Variants in LMNTD1 observed in about 807,000 individuals in gnomAD.
LMNTD1 encodes lamin tail domain containing 1, also known as lamin tail domain-containing protein 1.
In LMNTD1, 35 loss-of-function variants were observed where a neutral mutation model predicts 50.9. The ratio of observed to expected loss-of-function variants is 0.69; its 90% confidence interval spans 0.53 to 0.91. The LOEUF is 0.91. LMNTD1 is among the 40% of genes least tolerant of loss of function. LMNTD1 has a pLI of 0.00. For synonymous variants in LMNTD1, 153 were observed against 161.9 expected (o/e 0.94, Z 0.42); for missense variants, 470 against 475.5 (o/e 0.99, Z 0.11).
intron 1 of LMNTD1, among the ~76,000 whole-genome samples, chr12:25,566,469 A>G (rs1944563393): frequency 6.6e-6 from 1 of 152,188 alleles, no homozygotes; most frequent in African/African-American, 2.4e-5. Flanking sequence ...TCCTCTGGGT[A>G]TGTACCCAGT....
intron 1 of LMNTD1, among the ~76,000 whole-genome samples, chr12:25,636,464 T>TA (rs568522277): frequency 0.013 from 1,935 of 152,126 alleles, 20 homozygotes; most frequent in Non-Finnish European, 0.018. Flanking sequence ...ATGGCCATAA[T>TA]AAAAAAATCA....
intron 1 of LMNTD1, among the ~76,000 whole-genome samples, chr12:25,628,437 A>C (rs1005960602): frequency 3.9e-5 from 6 of 152,144 alleles, no homozygotes; most frequent in Non-Finnish European, 8.8e-5. Flanking sequence ...TTTTTCATCT[A>C]AAAAGACTAA....
At chr12:25,585,052 G>A (rs1024493942) in intron 1 of LMNTD1, among the ~76,000 whole-genome samples, 2 of 152,232 alleles carry the variant, frequency 1.3e-5, no homozygotes, top group Non-Finnish European at 2.9e-5. Flanking sequence ...GTCTGACCTT[G>A]AGGACAGCTG....
chr12:25,565,316 T>C (rs1371256082), intron 1 of LMNTD1, among the ~76,000 whole-genome samples: 2 of 152,150 alleles, frequency 1.3e-5, no homozygotes, highest in Non-Finnish European at 2.9e-5. Context: ...TATGATTTAG[T>C]TTCTTGCTTT....
intron 4 of LMNTD1, among the ~76,000 whole-genome samples, chr12:25,536,442 G>GA (rs1242347139): frequency 6.6e-6 from 1 of 152,040 alleles, no homozygotes; most frequent in Non-Finnish European, 1.5e-5. Flanking sequence ...CACTGGAACT[G>GA]AAAAATCTGT....
chr12:25,479,941 G>A (rs1288994106), intron 9 of LMNTD1, among the ~76,000 whole-genome samples: 1 of 152,174 alleles, frequency 6.6e-6, no homozygotes, highest in Non-Finnish European at 1.5e-5. Context: ...GGAAGTCCAT[G>A]TTGCTGAGCC....
intron 4 of LMNTD1, among the ~76,000 whole-genome samples, chr12:25,529,683 T>C (rs186525245): frequency 6.6e-6 from 1 of 152,276 alleles, no homozygotes; most frequent in Non-Finnish European, 1.5e-5. Flanking sequence ...ACTATTATCC[T>C]CAGTCTTACC....
chr12:25,518,760 C>G, intron 8 of LMNTD1, 35 bp downstream of exon 8: 6 of 1,598,388 alleles, frequency 3.8e-6, no homozygotes, highest in South Asian at 1.1e-5. Flanking sequence ...CACACACACG[C>G]ACTCTCCACT....
chr12:25,527,681 T>TATATATATATATATATATAC (rs1463259109), intron 4 of LMNTD1, among the ~76,000 whole-genome samples: 2 of 32,354 alleles, frequency 6.2e-5, no homozygotes, highest in Admixed American at 4.0e-4. Context: ...TATATATATA[T>TATATATATATATATATATAC]ACACACACAC....
chr12:25,593,529 A>G (rs555828652), intron 1 of LMNTD1, among the ~76,000 whole-genome samples: 7 of 152,204 alleles, frequency 4.6e-5, no homozygotes, highest in African/African-American at 1.4e-4. Context: ...ATATTAAGGG[A>G]CCATCCCATG....
intron 8 of LMNTD1, among the ~76,000 whole-genome samples, chr12:25,504,776 G>A (rs893300432): frequency 3.9e-5 from 6 of 152,206 alleles, no homozygotes; most frequent in African/African-American, 1.4e-4. Flanking sequence ...AATTTTCTTA[G>A]CCACAAATAG....
intron 1 of LMNTD1, among the ~76,000 whole-genome samples, chr12:25,633,964 A>G (rs1946770976): frequency 6.6e-6 from 1 of 152,244 alleles, no homozygotes; most frequent in Admixed American, 6.5e-5. Context: ...AGAGAGAAAA[A>G]TCCAAATAAG....
chr12:25,509,616 C>A (rs980323204), intron 8 of LMNTD1, among the ~76,000 whole-genome samples: 4 of 152,240 alleles, frequency 2.6e-5, no homozygotes, highest in Admixed American at 2.6e-4. Flanking sequence ...TGTGTCCTAA[C>A]CCTTGGAACG....
chr12:25,594,403 T>C (rs1438341873), intron 1 of LMNTD1, among the ~76,000 whole-genome samples: 1 of 152,138 alleles, frequency 6.6e-6, no homozygotes, highest in Non-Finnish European at 1.5e-5. Flanking sequence ...ATTGGGGCCC[T>C]ATCTTCAGCC....
chr12:25,647,998 CTAT>C (rs890775055), intron 1 of LMNTD1, among the ~76,000 whole-genome samples: 5 of 151,954 alleles, frequency 3.3e-5, no homozygotes. Flanking sequence ...TACTATATTA[CTAT>C]TATTATTACC....
At position 25,515,595 on chromosome 12, in the gene LMNTD1, A is replaced by G. The variant is rs557833768; in HGVS notation, c.1189+3200T>C. ...CTTTTTGGTAATGTGAAACAATACA[A>G]TAAAATATTAACATGCATTCATTCT... On this transcript the variant is annotated intron_variant, in intron 8 of 9. Coordinates refer to ENST00000458174, the MANE Select transcript of LMNTD1 (RefSeq NM_001145728.2). Among the ~76,000 whole-genome samples, 20 of 152,290 alleles carry G rather than the reference A, an allele frequency of 1.3e-4. No homozygotes were observed. The South Asian group carries it at 3.5e-3, about 27-fold the overall frequency.
At chr12:25,499,762 T>C in intron 9 of LMNTD1, 1 of 152,032 alleles carries the variant, frequency 6.6e-6, no homozygotes, top group East Asian at 1.9e-4. Context: ...AAAACAAGCT[T>C]TGTTTTCCTG....
chr12:25,547,215 G>C, intron 3 of LMNTD1: 1 of 963,596 alleles, frequency 1.0e-6, no homozygotes, highest in South Asian at 4.8e-5. Flanking sequence ...ATCCGCAAAG[G>C]GGGAGTTACA....
At chr12:25,551,691 C>T (rs964499055) in intron 2 of LMNTD1, among the ~76,000 whole-genome samples, 23 of 152,166 alleles carry the variant, frequency 1.5e-4, no homozygotes, top group South Asian at 4.1e-4. Flanking sequence ...TATGCCTGGC[C>T]GAATAAGAAA....
Sources: gnomAD v4.1 joint callset for allele counts (sites outside exome capture counted in the v4.1 genomes callset) on GRCh38, gnomAD v4.1.1 for gene constraint, MANE v1.5 for transcripts, NCBI Gene and HGNC (gene_info 2026-07-23, HGNC 2026-07-21) for gene names.